Variants in CYP51A1 observed in about 807,000 individuals in gnomAD.
CYP51A1 encodes the protein cytochrome P450 family 51 subfamily A member 1.
In CYP51A1, 45 loss-of-function variants were observed where a neutral mutation model predicts 53.5. That is an observed-to-expected ratio of 0.84 (90% CI 0.66 to 1.08). The LOEUF (loss-of-function observed/expected upper bound fraction) is 1.08. CYP51A1 is among the 50% of genes least tolerant of loss of function. The pLI is 0.00. For synonymous variants in CYP51A1, 181 were observed against 217.7 expected (o/e 0.83, Z 1.48); for missense variants, 462 against 621.7 (o/e 0.74, Z 2.73).
At chr7:92,114,532 C>T (rs914046319) in intron 9 of CYP51A1, among the ~76,000 whole-genome samples, 6 of 152,154 alleles carry the variant, frequency 3.9e-5, no homozygotes, top group Admixed American at 1.3e-4. Context: ...AGTACAGACA[C>T]CAAAGCAAGC....
chr7:92,113,162 T>G lies in CYP51A1; in HGVS notation c.*503A>C. ...ATCATCATACCAAAACAATTAGTAT[T>G]CTCTTATTCAAGGCTTTAGATGTTC... On this transcript the variant is annotated 3_prime_UTR_variant, in exon 10 of 10. Coordinates refer to ENST00000003100, the MANE Select transcript of CYP51A1 (RefSeq NM_000786.4). 6.6e-6 allele frequency: 1 copy of G among 152,350 alleles called. No homozygotes were observed. Among genetic ancestry groups the G allele is most frequent in the Non-Finnish European group, 1.5e-5 (1 of 68,166 alleles). 9.4% of individuals were successfully genotyped at this position (152,350 alleles called of 1,614,324 possible). A position where few individuals can be genotyped will look rare whatever the true frequency, so the allele number is the denominator to read the frequency against.
intron 2 of CYP51A1, 43 bp downstream of exon 2, chr7:92,131,731 T>C (rs1819923708): frequency 1.9e-6 from 2 of 1,057,688 alleles, no homozygotes; most frequent in South Asian, 1.4e-5. Flanking sequence ...AGCACTTCTC[T>C]AGTTGTTTTT....
In CYP51A1 at chr7:92,113,721, T is replaced by C. The variant is rs768113032; in HGVS notation, c.1474A>G (p.Thr492Ala). ...DGYFPTVNYTTMIHTPENPVI... is the reference protein window; with the variant it reads ...DGYFPTVNYTAMIHTPENPVI... ...GGGTTTTCAGGGGTGTGAATCATAG[T>C]TGTATAATTCACAGTGGGAAAGTAT... Residue 492 changes from threonine (T) to alanine (A), a missense_variant, in exon 10 of 10, where the codon ACT (threonine) becomes GCT (alanine). By Grantham distance (58) the Thr-to-Ala change is moderately conservative (BLOSUM62 0). Transcript: ENST00000003100. 3 of 1,612,520 alleles carry C rather than the reference T, an allele frequency of 1.9e-6. No individual in the cohort carries two copies. Among genetic ancestry groups the C allele is most frequent in the East Asian group, 2.2e-5 (1 of 44,786 alleles).
chr7:92,132,353 C>T (rs1402748335), intron 1 of CYP51A1, among the ~76,000 whole-genome samples: 2 of 152,216 alleles, frequency 1.3e-5, no homozygotes, highest in African/African-American at 4.8e-5. Flanking sequence ...TGCACATCCT[C>T]TCATATACCT....
rs952878431 is a variant in CYP51A1, at chr7:92,113,187, C to T, written c.*478G>A. 3 of 152,634 alleles carry T rather than the reference C, an allele frequency of 2.0e-5. No homozygotes were observed. The highest frequency in any genetic ancestry group is 4.8e-5 in the African/African-American group (2 of 41,404). The allele number at this position is 152,634 out of a possible 1,614,324, so 9.5% of individuals were successfully genotyped here. ...TCTCTTATTCAAGGCTTTAGATGTT[C>T]GATTATTCCCTACCCTTCCATCCTC... On this transcript the variant is annotated 3_prime_UTR_variant, in exon 10 of 10. Coordinates refer to ENST00000003100, the MANE Select transcript of CYP51A1 (RefSeq NM_000786.4).
rs1292105747 is a variant in CYP51A1, at chr7:92,112,486, G to GTT, written c.*1177_*1178dup. 4 of 152,166 alleles carry GTT rather than the reference G, an allele frequency of 2.6e-5. No homozygotes were observed. Among genetic ancestry groups the GTT allele is most frequent in the Admixed American group, 6.5e-5 (1 of 15,274 alleles). The allele number at this position is 152,166 out of a possible 1,614,324, so 9.4% of individuals were successfully genotyped here. Reference sequence around the variant, plus strand: ...TTAAAAAGAAAAAAGTTTGTTAACTGTTTTAATCAATATGAGTAGTAACAA... The same window carrying GTT: ...TTAAAAAGAAAAAAGTTTGTTAACTGTTTTTTAATCAATATGAGTAGTAACAA... On this transcript the variant is annotated 3_prime_UTR_variant, in exon 10 of 10. Coordinates refer to ENST00000003100, the MANE Select transcript of CYP51A1 (RefSeq NM_000786.4).
At chr7:92,122,430 A>C (rs1226038680) in intron 7 of CYP51A1, among the ~76,000 whole-genome samples, 3 of 152,084 alleles carry the variant, frequency 2.0e-5, no homozygotes, top group Admixed American at 2.0e-4. Flanking sequence ...TTATGAATAT[A>C]GATGCAAAAA....
chr7:92,116,736 G>T (rs1263391260), intron 9 of CYP51A1, among the ~76,000 whole-genome samples: 1 of 152,150 alleles, frequency 6.6e-6, no homozygotes, highest in Non-Finnish European at 1.5e-5. Context: ...TTCTTTAAAA[G>T]AGAATCCACA....
intron 5 of CYP51A1, among the ~76,000 whole-genome samples, chr7:92,125,693 G>A (rs1007677997): frequency 1.3e-5 from 2 of 152,196 alleles, no homozygotes; most frequent in East Asian, 1.9e-4. Flanking sequence ...GAATACGTGA[G>A]GTAAGCAGGC....
At position 92,123,033 on chromosome 7, in the gene CYP51A1, T is replaced by C. The variant is rs957060975; in HGVS notation, c.1086+87A>G. 6 of 1,015,664 alleles carry C rather than the reference T, an allele frequency of 5.9e-6. No individual in the cohort carries two copies. In the Admixed American group the frequency reaches 9.3e-5, roughly 16 times the overall value. The allele number at this position is 1,015,664 out of a possible 1,614,324, so 62.9% of individuals were successfully genotyped here. Reference sequence around the variant, plus strand: ...GCTGATCAATTTAAGCTATAGTATATAGAAAATCTCAAATTGTCCCTTTTA... The same window carrying C: ...GCTGATCAATTTAAGCTATAGTATACAGAAAATCTCAAATTGTCCCTTTTA... On this transcript the variant is annotated intron_variant, in intron 7 of 9. Coordinates refer to ENST00000003100, the MANE Select transcript of CYP51A1 (RefSeq NM_000786.4).
At position 92,127,672 on chromosome 7, in the gene CYP51A1, A is replaced by T. The variant is rs199972900; in HGVS notation, c.469-41T>A. 1.6e-4 allele frequency: 254 copies of T among 1,605,888 alleles called. 1 individual carries two copies. The African/African-American group carries it at 3.2e-3, about 20-fold the overall frequency. On this transcript the variant is annotated intron_variant, in intron 3 of 9. Transcript: ENST00000003100. The stretch of plus-strand genomic sequence containing the variant: ...AAACGGGGATACGGCATTAAAACAC[A>T]TTTTTGTTTTATCATAAAATCCATT...
chr7:92,132,332 C>T (rs1018055280), intron 1 of CYP51A1, among the ~76,000 whole-genome samples: 9 of 152,208 alleles, frequency 5.9e-5, no homozygotes, highest in Admixed American at 4.6e-4. Flanking sequence ...AAAGTATTTG[C>T]GTATAACCTA....
At chr7:92,121,046 T>C (rs1819681455) in intron 7 of CYP51A1, among the ~76,000 whole-genome samples, 1 of 152,048 alleles carries the variant, frequency 6.6e-6, no homozygotes, top group African/African-American at 2.4e-5. Flanking sequence ...TCCCAGCACT[T>C]TGGGAGGCCA....
At chr7:92,118,220 C>A (rs1283657150) in intron 8 of CYP51A1, among the ~76,000 whole-genome samples, 4 of 151,906 alleles carry the variant, frequency 2.6e-5, no homozygotes, top group Non-Finnish European at 5.9e-5. Flanking sequence ...GTGGCGTGAT[C>A]ATGGATTACT....
chr7:92,123,769 A>T lies in CYP51A1; in HGVS notation c.855T>A (p.Asp285Glu). The change falls in exon 6 of 10, where the codon GAT becomes GAA. Residue 285 changes from aspartate to glutamate, a missense_variant. Asp to Glu is a conservative substitution (Grantham distance 45). Transcript: ENST00000003100. ...QKRRQSQEKI[D>E]DILQTLLDAT... is the part of the protein sequence containing the mutation. ...CATCTAGTAAAGTTTGGAGAATGTC[A>T]TCAATTTTTTCTTGAGACTGTCTGC... The T allele has an allele frequency of 1.9e-6, 3 of 1,608,794 alleles. No individual in the cohort carries two copies. Among genetic ancestry groups the T allele is most frequent in the Non-Finnish European group, 2.5e-6 (3 of 1,178,164 alleles).
intron 1 of CYP51A1, among the ~76,000 whole-genome samples, chr7:92,133,857 C>A (rs1015245187): frequency 6.6e-6 from 1 of 152,308 alleles, no homozygotes; most frequent in Middle Eastern, 3.4e-3. Flanking sequence ...GCGGTCAGTA[C>A]AGACCGCTAC....
At chr7:92,127,437 T>C in intron 4 of CYP51A1, 68 bp downstream of exon 4, 2 of 1,460,568 alleles carry the variant, frequency 1.4e-6, no homozygotes, top group Non-Finnish European at 1.9e-6. Context: ...ACTACACACA[T>C]ATATACTCTA....
Position 92,126,329 on chromosome 7 carries a change from G to T in CYP51A1, c.694C>A (p.Leu232Met). Residue 232 changes from leucine to methionine, a missense_variant, in exon 5 of 10, where the codon CTG becomes ATG. Physicochemically the swap from Leu to Met is conservative, Grantham distance 15. Transcript: ENST00000003100. ...RSQLNEKVAQ[L>M]YADLDGGFSH... ...AAACCTCCATCCAAATCTGCATACA[G>T]CTGTGCTACCTTTTCATTGAGTTGA... is the stretch of plus-strand genomic sequence containing the variant. The T allele has an allele frequency of 6.2e-7, 1 of 1,612,644 alleles. No homozygotes were observed. The highest frequency in any genetic ancestry group is 8.5e-7 in the Non-Finnish European group (1 of 1,179,544).
intron 7 of CYP51A1, among the ~76,000 whole-genome samples, chr7:92,121,894 T>A (rs1819700029): frequency 6.6e-6 from 1 of 152,224 alleles, no homozygotes; most frequent in South Asian, 2.1e-4. Flanking sequence ...TAAATTATGA[T>A]GATGGTTTCC....
Sources: gnomAD v4.1 joint callset for allele counts (sites outside exome capture counted in the v4.1 genomes callset) on GRCh38, gnomAD v4.1.1 for gene constraint, MANE v1.5 for transcripts, NCBI Gene and HGNC (gene_info 2026-07-23, HGNC 2026-07-21) for gene names.